Variants in TMEM132D observed in about 807,000 individuals in gnomAD.
TMEM132D encodes the protein transmembrane protein 132D, also known as mature OL transmembrane protein.
Under a neutral mutation model 62.3 loss-of-function variants are expected in TMEM132D, and 21 were observed. The observed-to-expected ratio is 0.34, with a 90% CI of 0.24 to 0.49. TMEM132D has a LOEUF of 0.49. Among genes scored for constraint, TMEM132D ranks in the 20% least tolerant of loss-of-function variants. The pLI is 0.99. For synonymous variants in TMEM132D, 621 were observed against 575.6 expected, an observed-to-expected ratio of 1.08 and a Z score of -1.13; for missense variants, 1,346 against 1,402.8, an observed-to-expected ratio of 0.96 and a Z score of 0.65.
chr12:129,569,224 A>G (rs1328388069), intron 2 of TMEM132D, among the ~76,000 whole-genome samples: 4 of 152,232 alleles, frequency 2.6e-5, no homozygotes, highest in Non-Finnish European at 4.4e-5. Flanking sequence ...GGTTTACACA[A>G]TGCTAAAGAT....
At chr12:129,347,074 A>G (rs1869708618) in intron 3 of TMEM132D, among the ~76,000 whole-genome samples, 2 of 152,228 alleles carry the variant, frequency 1.3e-5, no homozygotes, top group South Asian at 2.1e-4. Context: ...AAACAAATGG[A>G]AAAACATTCC....
intron 1 of TMEM132D, among the ~76,000 whole-genome samples, chr12:129,776,049 A>T (rs1870911469): frequency 6.6e-6 from 1 of 152,224 alleles, no homozygotes; most frequent in South Asian, 2.1e-4. Flanking sequence ...TTGAGCTGTA[A>T]TGAATATTGT....
intron 2 of TMEM132D, among the ~76,000 whole-genome samples, chr12:129,627,316 C>A (rs1358219835): frequency 6.6e-6 from 1 of 152,186 alleles, no homozygotes; most frequent in Non-Finnish European, 1.5e-5. Flanking sequence ...GAAATATTTA[C>A]CACTGTGTTA....
chr12:129,348,188 A>G (rs889385116), intron 3 of TMEM132D, among the ~76,000 whole-genome samples: 3 of 152,234 alleles, frequency 2.0e-5, no homozygotes, highest in African/African-American at 7.2e-5. Flanking sequence ...CATTTGACCC[A>G]GCAATCCCAT....
At chr12:129,449,196 C>T (rs1362413864) in intron 3 of TMEM132D, among the ~76,000 whole-genome samples, 1 of 152,234 alleles carries the variant, frequency 6.6e-6, no homozygotes, top group African/African-American at 2.4e-5. Flanking sequence ...AGAGCAGTCA[C>T]CGCATCAGTG....
intron 2 of TMEM132D, among the ~76,000 whole-genome samples, chr12:129,660,237 G>A (rs1880201577): frequency 6.6e-6 from 1 of 152,130 alleles, no homozygotes; most frequent in African/African-American, 2.4e-5. Flanking sequence ...AACAAATGGG[G>A]AAGGCAATTC....
At chr12:129,488,143 G>T (rs1208156647) in intron 3 of TMEM132D, among the ~76,000 whole-genome samples, 1 of 151,904 alleles carries the variant, frequency 6.6e-6, no homozygotes, top group Non-Finnish European at 1.5e-5. Flanking sequence ...CTTGATCTTG[G>T]ACTCCCCAGC....
intron 3 of TMEM132D, among the ~76,000 whole-genome samples, chr12:129,370,509 A>G (rs1021308902): frequency 3.3e-5 from 5 of 152,222 alleles, no homozygotes; most frequent in African/African-American, 1.2e-4. Context: ...TCATTTATGA[A>G]TGGCCTCCAT....
chr12:129,083,510 A>T (rs543355478), intron 6 of TMEM132D, among the ~76,000 whole-genome samples: 1 of 151,974 alleles, frequency 6.6e-6, no homozygotes, highest in African/African-American at 2.4e-5. Context: ...AATACCAGAA[A>T]CCCCAGAGAC....
intron 2 of TMEM132D, among the ~76,000 whole-genome samples, chr12:129,615,828 AATAAAATAAAATAAAAT>A (rs1321174085): frequency 6.6e-6 from 1 of 150,928 alleles, no homozygotes; most frequent in African/African-American, 2.4e-5. Context: ...AATAAAATAA[AATAAAATAAAATAAAAT>A]AAGATAGCTG....
At chr12:129,524,145 T>C (rs1875939835) in intron 3 of TMEM132D, among the ~76,000 whole-genome samples, 2 of 151,912 alleles carry the variant, frequency 1.3e-5, no homozygotes, top group South Asian at 4.2e-4. Context: ...GACGAGTTGA[T>C]GGGTGCAGCA....
intron 5 of TMEM132D, among the ~76,000 whole-genome samples, chr12:129,189,400 C>T (rs1372616496): frequency 6.6e-6 from 1 of 152,084 alleles, no homozygotes; most frequent in Non-Finnish European, 1.5e-5. Context: ...GGAAGATGGA[C>T]CTGGCTCAGG....
At chr12:129,636,559 G>GATTC (rs1276386527) in intron 2 of TMEM132D, among the ~76,000 whole-genome samples, 1 of 152,114 alleles carries the variant, frequency 6.6e-6, no homozygotes, top group East Asian at 1.9e-4. Flanking sequence ...CAAGAGAAGG[G>GATTC]ATTCATTCAG....
chr12:129,179,330 TTTTTG>T (rs911849627), intron 5 of TMEM132D, among the ~76,000 whole-genome samples: 1 of 151,864 alleles, frequency 6.6e-6, no homozygotes, highest in African/African-American at 2.4e-5. Context: ...TTTTTTTTGT[TTTTTG>T]TTTTTTGTTT....
intron 3 of TMEM132D, among the ~76,000 whole-genome samples, chr12:129,359,308 G>A (rs1052853619): frequency 6.6e-6 from 1 of 152,118 alleles, no homozygotes; most frequent in Non-Finnish European, 1.5e-5. Context: ...GTTTCTGTTT[G>A]GGGTAATGAA....
intron 1 of TMEM132D, among the ~76,000 whole-genome samples, chr12:129,835,615 T>A (rs1283777851): frequency 1.3e-5 from 2 of 152,100 alleles, no homozygotes; most frequent in Non-Finnish European, 2.9e-5. Context: ...TAAAAAATCA[T>A]GCGCAAAAAA....
At chr12:129,826,455 C>T (rs1593177168) in intron 1 of TMEM132D, among the ~76,000 whole-genome samples, 1 of 152,180 alleles carries the variant, frequency 6.6e-6, no homozygotes, top group Non-Finnish European at 1.5e-5. Flanking sequence ...AGCCTTTCAC[C>T]GTGCCTGTCG....
intron 1 of TMEM132D, among the ~76,000 whole-genome samples, chr12:129,741,919 A>C (rs1177942070): frequency 6.6e-6 from 1 of 152,210 alleles, no homozygotes; most frequent in Non-Finnish European, 1.5e-5. Context: ...ATCACTGCTG[A>C]CCTGAGAGAC....
intron 4 of TMEM132D, among the ~76,000 whole-genome samples, chr12:129,287,740 T>TAA (rs35245092): frequency 2.6e-5 from 4 of 151,976 alleles, no homozygotes; most frequent in African/African-American, 9.7e-5. Flanking sequence ...GTATTCATGT[T>TAA]AAAAAAGGTT....
Sources: allele counts gnomAD v4.1 joint callset (sites outside exome capture counted in the v4.1 genomes callset), GRCh38; gene constraint gnomAD v4.1.1; transcripts MANE v1.5; gene names NCBI Gene and HGNC (gene_info 2026-07-23, HGNC 2026-07-21).